The following KALRN variants were observed in gnomAD, a reference collection of about 807,000 sequenced individuals.
KALRN encodes kalirin RhoGEF kinase, also known as kalirin.
A neutral mutation model predicts 353.7 loss-of-function variants in KALRN; 70 were observed. The observed-to-expected ratio is 0.20, with a 90% CI of 0.16 to 0.24. The LOEUF is 0.24. KALRN is among the 10% of genes least tolerant of loss of function. The pLI, the probability that KALRN is intolerant of heterozygous loss-of-function variation, is 1.00. For missense variants in KALRN, 2,791 were observed against 3,756.7 expected, an observed-to-expected ratio of 0.74 and a Z score of 6.72; for synonymous variants, 1,391 against 1,434.8, an observed-to-expected ratio of 0.97 and a Z score of 0.69.
chr3:124,082,727 G>C (rs1262851734), intron 1 of KALRN, among the ~76,000 whole-genome samples: 4 of 152,226 alleles, frequency 2.6e-5, no homozygotes, highest in African/African-American at 9.6e-5. Flanking sequence ...GGTAAAAATA[G>C]TATGCAGACA....
At chr3:124,595,126 A>G (rs1283450183) in intron 34 of KALRN, among the ~76,000 whole-genome samples, 1 of 152,144 alleles carries the variant, frequency 6.6e-6, no homozygotes, top group African/African-American at 2.4e-5. Context: ...ATAAAATTAT[A>G]TCACTTAGAG....
intron 31 of KALRN, 89 bp from the exon 32 acceptor site, chr3:124,492,649 TAA>T (rs2063293231): frequency 2.3e-6 from 3 of 1,325,428 alleles, no homozygotes; most frequent in Non-Finnish European, 3.1e-6. Flanking sequence ...TCCTTGAAAA[TAA>T]CAGATGAAGA....
At chr3:124,144,140 G>A (rs78762110) in intron 1 of KALRN, among the ~76,000 whole-genome samples, 4,865 of 152,172 alleles carry the variant, frequency 0.032, 244 homozygotes, top group African/African-American at 0.11. Flanking sequence ...GTAGCTTCAT[G>A]GAGTAGGAAG....
intron 11 of KALRN, among the ~76,000 whole-genome samples, chr3:124,391,551 C>A (rs1268952123): frequency 6.6e-6 from 1 of 152,180 alleles, no homozygotes; most frequent in African/African-American, 2.4e-5. Context: ...AATTTGGACT[C>A]TTTTCAAAGC....
chr3:124,223,332 A>G (rs111797907), intron 1 of KALRN, among the ~76,000 whole-genome samples: 36 of 152,260 alleles, frequency 2.4e-4, no homozygotes, highest in African/African-American at 7.7e-4. Context: ...GCACCTCTCA[A>G]TTGTAAGCCA....
chr3:124,429,925 T>A (rs2093195830), intron 15 of KALRN, among the ~76,000 whole-genome samples: 1 of 152,226 alleles, frequency 6.6e-6, no homozygotes, highest in South Asian at 2.1e-4. Context: ...AGTTCAAACC[T>A]GCCTACTCTT....
intron 5 of KALRN, among the ~76,000 whole-genome samples, chr3:124,291,912 C>G (rs1181850034): frequency 6.6e-6 from 1 of 152,156 alleles, no homozygotes; most frequent in Non-Finnish European, 1.5e-5. Context: ...ACACCTACAG[C>G]CTCTCAGGCC....
intron 10 of KALRN, among the ~76,000 whole-genome samples, chr3:124,355,310 G>T (rs1419354731): frequency 6.6e-6 from 1 of 152,162 alleles, no homozygotes; most frequent in Non-Finnish European, 1.5e-5. Flanking sequence ...TAATTATACT[G>T]TCACTGTTTA....
chr3:124,044,634 A>G (rs1293545410), intron 1 of KALRN, among the ~76,000 whole-genome samples: 1 of 151,190 alleles, frequency 6.6e-6, no homozygotes, highest in Non-Finnish European at 1.5e-5. Flanking sequence ...AAAAAAAAAA[A>G]TTGCTCATGT....
In KALRN at chr3:124,270,827, T is replaced by TTG. The variant is rs2074070935; in HGVS notation, c.969+1573_969+1574insGT. On this transcript the variant is annotated intron_variant, in intron 5 of 59. Transcript: ENST00000682506. ...TCTTTGTTTATTTTTTTGTTTTGTT[T>TTG]TTTTTTTTTTTTTTTTTTTTGAGAC... 1.2e-4 allele frequency among the ~76,000 whole-genome samples: 9 copies of TTG among 72,452 alleles called. No homozygotes were observed. In the South Asian group the frequency reaches 1.6e-3, roughly 13 times the overall value. The allele number at this position is 72,452 out of a possible 152,430, so 47.5% of individuals were successfully genotyped here.
At chr3:124,391,150 A>G (rs2089312216) in intron 11 of KALRN, among the ~76,000 whole-genome samples, 1 of 152,056 alleles carries the variant, frequency 6.6e-6, no homozygotes, top group South Asian at 2.1e-4. Context: ...GGAGCAAGCA[A>G]CCATTGCCAA....
At chr3:124,169,828 C>T (rs2071467438) in intron 1 of KALRN, among the ~76,000 whole-genome samples, 1 of 152,024 alleles carries the variant, frequency 6.6e-6, no homozygotes, top group Admixed American at 6.5e-5. Flanking sequence ...TTGTCCTGAA[C>T]GTGGGAGTAG....
intron 34 of KALRN, among the ~76,000 whole-genome samples, chr3:124,578,162 C>T (rs1261814003): frequency 6.6e-6 from 1 of 152,102 alleles, no homozygotes; most frequent in Non-Finnish European, 1.5e-5. Context: ...TTTACATTTT[C>T]CTTATAAACT....
chr3:124,515,337 T>A (rs774359301), intron 33 of KALRN, among the ~76,000 whole-genome samples: 16 of 152,190 alleles, frequency 1.1e-4, no homozygotes, highest in Non-Finnish European at 2.1e-4. Flanking sequence ...TAAAAAAGAA[T>A]GCTGAGAAGG....
chr3:124,188,354 A>G (rs1560183019), intron 1 of KALRN, among the ~76,000 whole-genome samples: 1 of 152,208 alleles, frequency 6.6e-6, no homozygotes, highest in African/African-American at 2.4e-5. Context: ...GAAAATAGTC[A>G]TGAGGGGTGC....
rs191206396 is a variant in KALRN, at chr3:124,385,043, G to A, written c.1962+7G>A. 303 of 1,576,116 alleles carry A rather than the reference G, an allele frequency of 1.9e-4. No individual in the cohort carries two copies. The African/African-American group carries it at 3.6e-3, about 19-fold the overall frequency. ...CCACACACACACCAAAGAGGTAAGG[G>A]GAGCTAGTGGAGAGAGGGCATTCTG... is the stretch of plus-strand genomic sequence containing the variant. On this transcript the variant is annotated splice_region_variant and intron_variant, in intron 11 of 59. Coordinates refer to ENST00000682506, the MANE Select transcript of KALRN (RefSeq NM_001388419.1).
At chr3:124,134,760 C>A (rs1235108299) in intron 1 of KALRN, among the ~76,000 whole-genome samples, 1 of 152,092 alleles carries the variant, frequency 6.6e-6, no homozygotes, top group African/African-American at 2.4e-5. Flanking sequence ...AAATGGCCGA[C>A]AAACATATGA....
chr3:124,462,370 C>A (rs2059935378), intron 24 of KALRN, among the ~76,000 whole-genome samples, 154 bp from the exon 25 acceptor site: 1 of 152,174 alleles, frequency 6.6e-6, no homozygotes. Flanking sequence ...GGTTTTATTT[C>A]TTTCTCTTAT....
At chr3:124,238,885 C>T (rs1001161864) in intron 3 of KALRN, among the ~76,000 whole-genome samples, 1 of 152,198 alleles carries the variant, frequency 6.6e-6, no homozygotes, top group Non-Finnish European at 1.5e-5. Flanking sequence ...TCTCCTAGGT[C>T]ACTCAGGTTT....
Sources: allele counts gnomAD v4.1 joint callset (sites outside exome capture counted in the v4.1 genomes callset), GRCh38; gene constraint gnomAD v4.1.1; transcripts MANE v1.5; gene names NCBI Gene and HGNC (gene_info 2026-07-23, HGNC 2026-07-21).